SHPRH: variants seen among roughly 807,000 people sequenced by gnomAD.
SHPRH encodes E3 ubiquitin-protein ligase SHPRH.
Under a neutral mutation model 202.5 loss-of-function variants are expected in SHPRH, and 106 were observed. The observed-to-expected ratio is 0.52, with a 90% CI of 0.45 to 0.62. The LOEUF (loss-of-function observed/expected upper bound fraction) is 0.62, where lower values mean the gene tolerates loss of function less well. SHPRH is among the 20% of genes least tolerant of loss of function. SHPRH has a pLI of 0.00. For missense variants in SHPRH, 1,710 were observed against 2,020.0 expected, an observed-to-expected ratio of 0.85 and a Z score of 2.94; for synonymous variants, 729 against 686.0, an observed-to-expected ratio of 1.06 and a Z score of -0.98.
intron 15 of SHPRH, 101 bp downstream of exon 15, chr6:145,927,088 T>C: frequency 9.6e-7 from 1 of 1,044,044 alleles, no homozygotes; most frequent in Non-Finnish European, 1.4e-6. Context: ...CACCCAGTGA[T>C]TATGACTGTT....
chr6:145,933,092 G>C lies in SHPRH; in HGVS notation c.3077C>G (p.Ala1026Gly). The change falls in exon 14 of 30, where the codon GCT becomes GGT. Residue 1026 changes from alanine (A) to glycine (G), a missense_variant. Ala to Gly is a moderately conservative substitution (Grantham distance 60). This residue lies in a region of SHPRH where 288 missense variants were observed against 317.8 expected (regional missense o/e 0.91). Coordinates refer to ENST00000275233, the MANE Select transcript of SHPRH (RefSeq NM_001042683.3). ...ATGAATGCCTGCTAAGCCATTGAGA[G>C]CACAAACTAGCTGTCGATGTGCTTC... ...CEEAHRQLVCALNGLAGIHII... is the reference protein window; with the variant it reads ...CEEAHRQLVCGLNGLAGIHII... 6.2e-7 allele frequency: 1 copy of C among 1,613,760 alleles called. No individual in the cohort carries two copies. Among genetic ancestry groups the C allele is most frequent in the Non-Finnish European group, 8.5e-7 (1 of 1,179,828 alleles).
At position 145,922,939 on chromosome 6, in the gene SHPRH, T is replaced by C. The variant is rs1226543047; in HGVS notation, c.3546-103A>G. On this transcript the variant is annotated intron_variant, in intron 18 of 29. Transcript: ENST00000275233. Reference sequence around the variant, plus strand: ...GCCAAACAAAGTGTTAAAGAAACTGTTTGCTGTTTTTTTTTTTTTTAACAG... The same window carrying C: ...GCCAAACAAAGTGTTAAAGAAACTGCTTGCTGTTTTTTTTTTTTTTAACAG... The C allele has an allele frequency of 2.0e-5, 26 of 1,292,564 alleles. No individual in the cohort carries two copies. In the East Asian group the frequency reaches 7.5e-4, roughly 37 times the overall value. 80.1% of individuals were successfully genotyped at this position (1,292,564 alleles called of 1,614,324 possible).
chr6:145,925,940 C>G (rs1216105645), intron 16 of SHPRH, among the ~76,000 whole-genome samples: 1 of 151,910 alleles, frequency 6.6e-6, no homozygotes, highest in Non-Finnish European at 1.5e-5. Context: ...CATTTATTTA[C>G]ATCCCATTCT....
chr6:145,862,918 ATTAT>A (rs1379259206), downstream of SHPRH, among the ~76,000 whole-genome samples: 7 of 152,350 alleles, frequency 4.6e-5, no homozygotes, highest in Admixed American at 1.3e-4. Context: ...GGCACGATGT[ATTAT>A]TAGTCTTTGT....
chr6:145,907,608 C>G (rs1783082690), intron 25 of SHPRH: 1 of 152,156 alleles, frequency 6.6e-6, no homozygotes, highest in African/African-American at 2.4e-5. Flanking sequence ...TTCAGCCACT[C>G]AGATCCATTT....
chr6:145,935,495 T>C, intron 11 of SHPRH, 54 bp from the exon 12 acceptor site: 1 of 1,570,038 alleles, frequency 6.4e-7, no homozygotes, highest in Non-Finnish European at 8.7e-7. Context: ...TCATTACTAG[T>C]TTGCAGAAGC....
At chr6:145,947,049 T>C (rs1195485817) in intron 6 of SHPRH, among the ~76,000 whole-genome samples, 1 of 152,120 alleles carries the variant, frequency 6.6e-6, no homozygotes, top group Admixed American at 6.6e-5. Context: ...GTTTGTTTCA[T>C]TTAGCAATCT....
intron 14 of SHPRH, among the ~76,000 whole-genome samples, chr6:145,928,442 C>T (rs1785098832): frequency 6.6e-6 from 1 of 151,612 alleles, no homozygotes; most frequent in Admixed American, 6.6e-5. Context: ...AGTTTTTTTC[C>T]TAAGTATCAC....
intron 23 of SHPRH, among the ~76,000 whole-genome samples, chr6:145,916,857 A>G (rs1784002483): frequency 1.3e-5 from 2 of 151,936 alleles, no homozygotes; most frequent in South Asian, 2.1e-4. Flanking sequence ...ATCTCAGCTC[A>G]CTGCAACCTC....
At chr6:145,865,508 T>A (rs1377717246) in intron 2 of SHPRH, among the ~76,000 whole-genome samples, 3 of 152,204 alleles carry the variant, frequency 2.0e-5, no homozygotes, top group Admixed American at 6.5e-5. Flanking sequence ...GAGTCTATGG[T>A]ATTTTGTTAT....
At chr6:145,872,888 A>G (rs1780119066) in intron 2 of SHPRH, among the ~76,000 whole-genome samples, 2 of 152,228 alleles carry the variant, frequency 1.3e-5, no homozygotes, top group African/African-American at 4.8e-5. Context: ...TCGCAGGGAC[A>G]TGGATGGAGC....
Position 145,885,498 on chromosome 6 carries a change from G to A in SHPRH, c.*1193C>T, listed in dbSNP as rs148035840. ...CTAACTGGGAGCTAATAAGTCCTGA[G>A]GGTCAAAGAGGGTCCTTTAAAACTC... On this transcript the variant is annotated 3_prime_UTR_variant, in exon 30 of 30. Coordinates refer to ENST00000275233, the MANE Select transcript of SHPRH (RefSeq NM_001042683.3). 6.1e-4 allele frequency: 93 copies of A among 152,306 alleles called. No individual in the cohort carries two copies. Among genetic ancestry groups the A allele is most frequent in the African/African-American group, 2.0e-3 (83 of 41,552 alleles). The allele number at this position is 152,306 out of a possible 1,614,324, so 9.4% of individuals were successfully genotyped here.
chr6:145,946,032 C>A (rs1787337454), intron 7 of SHPRH, among the ~76,000 whole-genome samples: 1 of 151,974 alleles, frequency 6.6e-6, no homozygotes, highest in African/African-American at 2.4e-5. Context: ...TGAGCAAGAA[C>A]TACCTGGGCC....
intron 29 of SHPRH, 110 bp from the exon 30 acceptor site, chr6:145,886,897 G>A (rs1222258565): frequency 8.7e-7 from 1 of 1,147,982 alleles, no homozygotes; most frequent in Non-Finnish European, 1.2e-6. Flanking sequence ...TTTTGTAATT[G>A]GGATATAAGA....
At chr6:145,868,363 C>T (rs1161599259) in intron 2 of SHPRH, among the ~76,000 whole-genome samples, 2 of 152,164 alleles carry the variant, frequency 1.3e-5, no homozygotes, top group African/African-American at 4.8e-5. Context: ...TGCCAAGTAA[C>T]ATCATCTCTG....
chr6:145,906,451 TC>T (rs1389614447), intron 25 of SHPRH: 2 of 152,124 alleles, frequency 1.3e-5, no homozygotes, highest in Non-Finnish European at 2.9e-5. Context: ...TATGCTTATA[TC>T]TTTTGTGCTC....
chr6:145,934,482 T>TAAAATAAAAA (rs1173847758), intron 13 of SHPRH, among the ~76,000 whole-genome samples: 4 of 146,938 alleles, frequency 2.7e-5, no homozygotes, highest in Admixed American at 1.4e-4. Flanking sequence ...ATAAATAAAA[T>TAAAATAAAAA]AAAATAAAAT....
chr6:145,960,522 C>G (rs566232591), intron 1 of SHPRH, among the ~76,000 whole-genome samples: 1 of 152,310 alleles, frequency 6.6e-6, no homozygotes, highest in Admixed American at 6.5e-5. Flanking sequence ...AAGCAACTGT[C>G]TAGCAGAGTC....
chr6:145,860,867 T>C (rs1352025101), downstream of SHPRH, among the ~76,000 whole-genome samples: 1 of 152,124 alleles, frequency 6.6e-6, no homozygotes, highest in Admixed American at 6.5e-5. Context: ...AACTGATCTT[T>C]GACAAGGATG....
Sources: allele counts gnomAD v4.1 joint callset (sites outside exome capture counted in the v4.1 genomes callset), GRCh38; gene constraint gnomAD v4.1.1; regional missense constraint gnomAD v4.1.1; transcripts MANE v1.5; gene names NCBI Gene and HGNC (gene_info 2026-07-23, HGNC 2026-07-21).